BCLAF3: variants seen among roughly 807,000 people sequenced by gnomAD.
BCLAF3 encodes BCLAF1 and THRAP3 family member 3, also known as transient octamer binding factor 1.
Under a neutral mutation model 51.2 loss-of-function variants are expected in BCLAF3, and 24 were observed. The ratio of observed to expected loss-of-function variants is 0.47; its 90% CI spans 0.34 to 0.66. The LOEUF is 0.66. Among genes scored for constraint, BCLAF3 ranks in the 30% least tolerant of loss-of-function variants. The pLI, the probability that BCLAF3 is intolerant of heterozygous loss-of-function variation, is 0.01. For missense variants in BCLAF3, 465 were observed against 525.1 expected, an observed-to-expected ratio of 0.89 and a Z score of 1.12; for synonymous variants, 152 against 176.6, an observed-to-expected ratio of 0.86 and a Z score of 1.10.
chrX:19,959,767 A>C (rs1448680542), intron 4 of BCLAF3, among the ~76,000 whole-genome samples: 1 of 109,741 alleles, frequency 9.1e-6, no homozygotes, highest in Non-Finnish European at 1.9e-5. Context: ...ACAGAGCAAG[A>C]CTCTGCCGAG....
rs370712399 is a variant in BCLAF3 at position 19,917,731 on chromosome X, A to G, written c.2107-397T>C. Among the ~76,000 whole-genome samples the G allele has an allele frequency of 1.5e-4, 17 of 111,647 alleles. No homozygotes were observed. In the East Asian group the frequency reaches 1.9e-3, roughly 13 times the overall value. ...ATTAGTATTTTATCTTTTCCACCCTATATCTCTAATTCTAAAACTACATGG... is the reference window on the plus strand; with the variant it reads ...ATTAGTATTTTATCTTTTCCACCCTGTATCTCTAATTCTAAAACTACATGG... On this transcript the variant is annotated intron_variant, in intron 11 of 11. Transcript: ENST00000379682.
chrX:19,964,017 T>G (rs1487968904), intron 4 of BCLAF3, among the ~76,000 whole-genome samples: 1 of 111,806 alleles, frequency 8.9e-6, no homozygotes, highest in Non-Finnish European at 1.9e-5. Flanking sequence ...GAGCAAGACC[T>G]TGTCTCAAAA....
chrX:19,940,273 TTTA>T (rs200983706), intron 8 of BCLAF3, among the ~76,000 whole-genome samples: 10 of 79,911 alleles, frequency 1.3e-4, no homozygotes, highest in African/African-American at 9.2e-4. Context: ...TATTTATTTA[TTTA>T]TTTTTTTTTT....
In BCLAF3 at chrX:19,921,865, T is replaced by C. The variant is rs749763476; in HGVS notation, c.2107-4531A>G. 3.8e-5 allele frequency among the ~76,000 whole-genome samples: 4 copies of C among 104,874 alleles called. No individual in the cohort carries two copies. The South Asian group carries it at 1.7e-3, about 45-fold the overall frequency. 91.1% of individuals were successfully genotyped at this position (104,874 alleles called of 115,157 possible). A position where few individuals can be genotyped will look rare whatever the true frequency, so the allele number is the denominator to read the frequency against. On this transcript the variant is annotated intron_variant, in intron 11 of 11. Coordinates refer to ENST00000379682, the MANE Select transcript of BCLAF3 (RefSeq NM_001367774.2). ...TAAAAACAAAAAAATTAGCTGGGCA[T>C]GGTAGTGGGTGCCTGTAATCCCAGC...
At chrX:19,919,309 T>C (rs1454058137) in intron 11 of BCLAF3, among the ~76,000 whole-genome samples, 3 of 112,105 alleles carry the variant, frequency 2.7e-5, no homozygotes, top group African/African-American at 9.7e-5. Flanking sequence ...ATTAACCATC[T>C]GTGAAGTTAA....
chrX:19,938,823 T>G (rs2070882752), intron 8 of BCLAF3, among the ~76,000 whole-genome samples: 1 of 113,085 alleles, frequency 8.8e-6, no homozygotes, highest in Admixed American at 9.3e-5. Flanking sequence ...TAGATCCATT[T>G]GTACCTCTTC....
chrX:19,929,458 T>C (rs921698660), intron 11 of BCLAF3: 9 of 136,174 alleles, frequency 6.6e-5, no homozygotes, highest in Non-Finnish European at 1.2e-4. Context: ...TTGTATAAGA[T>C]TAAAATACAT....
chrX:19,973,619 C>T (rs765069179), intron 1 of BCLAF3, among the ~76,000 whole-genome samples: 8 of 111,505 alleles, frequency 7.2e-5, no homozygotes, highest in Non-Finnish European at 1.3e-4. Context: ...TTGACAAATC[C>T]CTATTCTTTC....
At chrX:19,937,366 T>C (rs1427173629) in intron 9 of BCLAF3, 52 bp downstream of exon 9, 2 of 598,078 alleles carry the variant, frequency 3.3e-6, no homozygotes, top group African/African-American at 2.2e-5. Flanking sequence ...CATTTTGATG[T>C]ATTGGAGAAG....
At chrX:19,956,876 C>T (rs1050216453) in intron 4 of BCLAF3, among the ~76,000 whole-genome samples, 1 of 111,715 alleles carries the variant, frequency 9.0e-6, no homozygotes, top group African/African-American at 3.3e-5. Flanking sequence ...AGAAAGCAAA[C>T]AGACAGATGT....
At chrX:19,930,868 G>C (rs1339304441) in intron 10 of BCLAF3, among the ~76,000 whole-genome samples, 1 of 111,421 alleles carries the variant, frequency 9.0e-6, no homozygotes, top group Non-Finnish European at 1.9e-5. Context: ...AAAAGAATTT[G>C]AAATTAATTA....
intron 2 of BCLAF3, among the ~76,000 whole-genome samples, chrX:19,969,940 G>A (rs2072201625): frequency 8.9e-6 from 1 of 112,019 alleles, no homozygotes; most frequent in African/African-American, 3.2e-5. Flanking sequence ...CCATACTGAG[G>A]AGTTCTAAAC....
At chrX:19,965,787 G>A (rs1202733833) in intron 3 of BCLAF3, 81 bp from the exon 4 acceptor site, 6 of 959,157 alleles carry the variant, frequency 6.3e-6, no homozygotes, top group Non-Finnish European at 8.4e-6. Flanking sequence ...CGGGCAGCAT[G>A]GCTTTAAATG....
chrX:19,941,406 T>G (rs1458652211), intron 8 of BCLAF3, among the ~76,000 whole-genome samples: 14 of 101,689 alleles, frequency 1.4e-4, no homozygotes, highest in African/African-American at 5.8e-4. Context: ...TGGTTTTAGG[T>G]CTAACGTTTA....
At chrX:19,974,806 C>T (rs188831739) in intron 1 of BCLAF3, among the ~76,000 whole-genome samples, 51 of 110,655 alleles carry the variant, frequency 4.6e-4, no homozygotes, top group African/African-American at 1.4e-3. Flanking sequence ...CGCTTGAACC[C>T]GGGGGGCGGA....
chrX:19,955,484 C>G lies in BCLAF3; in HGVS notation c.1357G>C (p.Val453Leu). ...VGRKSENFHP[V>L]FEHLDSTQNT... ...TGAGTTGAGTCAAGATGTTCAAACA[C>G]TGGATGAAAGTTCTCACTTTTCCTG... Residue 453 changes from valine to leucine, a missense_variant, in exon 5 of 12, where the codon GTG (valine) becomes CTG (leucine). Transcript: ENST00000379682. The G allele has an allele frequency of 8.3e-7, 1 of 1,204,223 alleles. No individual in the cohort carries two copies. The highest frequency in any genetic ancestry group is 1.1e-6 in the Non-Finnish European group (1 of 892,089).
intron 8 of BCLAF3, among the ~76,000 whole-genome samples, chrX:19,940,581 C>G (rs5955866): frequency 9.1e-6 from 1 of 109,693 alleles, no homozygotes; most frequent in Non-Finnish European, 1.9e-5. Flanking sequence ...TCATCCATGT[C>G]CCTACAAAGA....
At chrX:19,937,588 G>T in intron 8 of BCLAF3, 56 bp from the exon 9 acceptor site, 1 of 623,033 alleles carries the variant, frequency 1.6e-6, no homozygotes, top group East Asian at 3.4e-5. Flanking sequence ...TTTTTTCCAA[G>T]AAATAAACAA....
intron 8 of BCLAF3, among the ~76,000 whole-genome samples, chrX:19,943,678 A>T (rs2071134216): frequency 1.2e-5 from 1 of 81,751 alleles, no homozygotes; most frequent in African/African-American, 5.1e-5. Flanking sequence ...TTTGCTGAGG[A>T]GAGCTTTACT....
Sources: gnomAD v4.1 joint callset for allele counts (sites outside exome capture counted in the v4.1 genomes callset) on GRCh38, gnomAD v4.1.1 for gene constraint, MANE v1.5 for transcripts, NCBI Gene and HGNC (gene_info 2026-07-23, HGNC 2026-07-21) for gene names.